Variants in GPC6 observed in about 807,000 individuals in gnomAD.
The protein encoded by GPC6 is glypican-6.
A neutral mutation model predicts 55.2 loss-of-function variants in GPC6; 14 were observed. The observed-to-expected ratio is 0.25, with a 90% confidence interval of 0.17 to 0.40. GPC6 has a LOEUF of 0.40. Among genes scored for constraint, GPC6 ranks in the 10% least tolerant of loss-of-function variants. GPC6 has a pLI of 1.00. For missense variants in GPC6, 641 were observed against 708.5 expected, an observed-to-expected ratio of 0.90 and a Z score of 1.08; for synonymous variants, 278 against 259.6, an observed-to-expected ratio of 1.07 and a Z score of -0.68.
At chr13:93,940,313 A>G (rs1354013359) in intron 3 of GPC6, among the ~76,000 whole-genome samples, 1 of 152,058 alleles carries the variant, frequency 6.6e-6, no homozygotes, top group Non-Finnish European at 1.5e-5. Context: ...TAAAGTTAGT[A>G]AAAGAGAAAA....
intron 1 of GPC6, among the ~76,000 whole-genome samples, chr13:93,354,240 C>T (rs866631245): frequency 2.0e-5 from 3 of 151,884 alleles, no homozygotes; most frequent in Non-Finnish European, 2.9e-5. Context: ...ATGTACTGAT[C>T]GGTGGCTGAG....
At chr13:93,351,171 A>G (rs1403844133) in intron 1 of GPC6, among the ~76,000 whole-genome samples, 1 of 152,220 alleles carries the variant, frequency 6.6e-6, no homozygotes, top group East Asian at 1.9e-4. Flanking sequence ...ATGTTAAATT[A>G]GTCTGATAAA....
At chr13:93,248,016 T>C (rs1876660905) in intron 1 of GPC6, among the ~76,000 whole-genome samples, 1 of 152,216 alleles carries the variant, frequency 6.6e-6, no homozygotes, top group African/African-American at 2.4e-5. Context: ...ACTGAATCAG[T>C]TACTCGGCCT....
intron 1 of GPC6, among the ~76,000 whole-genome samples, chr13:93,407,427 T>A (rs1000955633): frequency 1.6e-4 from 25 of 152,134 alleles, no homozygotes; most frequent in African/African-American, 4.8e-4. Flanking sequence ...ATTTTATGGC[T>A]GAGACCGTGC....
chr13:93,802,245 A>G (rs1886398442), intron 2 of GPC6, among the ~76,000 whole-genome samples: 1 of 151,762 alleles, frequency 6.6e-6, no homozygotes, highest in Non-Finnish European at 1.5e-5. Flanking sequence ...TTTTTCCTGT[A>G]TTCCCTTTCT....
Position 94,282,658 on chromosome 13 carries a change from A to G in GPC6, c.878-3691A>G, listed in dbSNP as rs183964547. On this transcript the variant is annotated intron_variant, in intron 4 of 8. Transcript: ENST00000377047. The stretch of plus-strand genomic sequence containing the variant: ...CAGATGGTCTGGTCTGGAAGGTTCA[A>G]GATGGCTTTGCTTATATGTCTGGCA... Among the ~76,000 whole-genome samples, 109 of 152,330 alleles carry G rather than the reference A, an allele frequency of 7.2e-4. 1 individual carries two copies. Among genetic ancestry groups the G allele is most frequent in the African/African-American group, 2.2e-3 (93 of 41,570 alleles).
At chr13:93,266,627 C>A (rs1051009901) in intron 1 of GPC6, among the ~76,000 whole-genome samples, 1 of 152,104 alleles carries the variant, frequency 6.6e-6, no homozygotes, top group Non-Finnish European at 1.5e-5. Flanking sequence ...TGAGGGCATT[C>A]GGGCATGAAT....
chr13:93,487,686 G>A (rs1192982474), intron 1 of GPC6, among the ~76,000 whole-genome samples: 1 of 152,120 alleles, frequency 6.6e-6, no homozygotes, highest in Non-Finnish European at 1.5e-5. Context: ...GTGCTGTTCA[G>A]GAAAGAAGTA....
Position 93,989,116 on chromosome 13 carries a change from T to A in GPC6, c.712-38613T>A, listed in dbSNP as rs1881172448. 2.6e-5 allele frequency among the ~76,000 whole-genome samples: 4 copies of A among 152,182 alleles called. No individual in the cohort carries two copies. The South Asian group carries it at 8.3e-4, about 32-fold the overall frequency. On this transcript the variant is annotated intron_variant, in intron 3 of 8. Coordinates refer to ENST00000377047, the MANE Select transcript of GPC6 (RefSeq NM_005708.5). ...TAATCCAATGCTGGATATTTGTAAT[T>A]CCTTAAATGTGGTAATGCCTTCTGT...
chr13:93,361,080 A>C (rs1445154040), intron 1 of GPC6, among the ~76,000 whole-genome samples: 1 of 152,004 alleles, frequency 6.6e-6, no homozygotes, highest in African/African-American at 2.4e-5. Flanking sequence ...ACCTCCTGAA[A>C]TCTGGCTGCT....
At chr13:93,559,221 G>A (rs1387129796) in intron 2 of GPC6, among the ~76,000 whole-genome samples, 1 of 152,162 alleles carries the variant, frequency 6.6e-6, no homozygotes, top group African/African-American at 2.4e-5. Flanking sequence ...ATCTCAGTAT[G>A]TGAAATCAGT....
intron 1 of GPC6, among the ~76,000 whole-genome samples, chr13:93,390,624 T>A (rs1875589132): frequency 1.3e-5 from 2 of 152,196 alleles, no homozygotes; most frequent in African/African-American, 2.4e-5. Context: ...CTGGGGTGTC[T>A]GCTAAGTTAC....
intron 1 of GPC6, among the ~76,000 whole-genome samples, chr13:93,492,458 C>T (rs1201923169): frequency 2.7e-5 from 4 of 150,720 alleles, no homozygotes; most frequent in African/African-American, 9.8e-5. Flanking sequence ...ACAATCATGT[C>T]GTCTGCAAAC....
chr13:93,603,279 T>C (rs1878101903), intron 2 of GPC6, among the ~76,000 whole-genome samples: 1 of 152,178 alleles, frequency 6.6e-6, no homozygotes, highest in South Asian at 2.1e-4. Context: ...AATACTGGGA[T>C]TGCAGGCATG....
At chr13:94,316,448 T>C (rs1421743295) in intron 6 of GPC6, among the ~76,000 whole-genome samples, 1 of 152,164 alleles carries the variant, frequency 6.6e-6, no homozygotes. Flanking sequence ...CCGGGCGCGG[T>C]GGCTCACGCC....
intron 3 of GPC6, among the ~76,000 whole-genome samples, chr13:93,952,853 C>T (rs575359526): frequency 2.6e-4 from 34 of 130,742 alleles, no homozygotes; most frequent in East Asian, 9.5e-4. Context: ...CATATATATA[C>T]GTATATATAT....
chr13:94,351,832 G>T, intron 6 of GPC6, among the ~76,000 whole-genome samples: 1 of 151,736 alleles, frequency 6.6e-6, no homozygotes, highest in Non-Finnish European at 1.5e-5. Flanking sequence ...ATGGGTTTGA[G>T]TCAGCAGTGA....
intron 1 of GPC6, among the ~76,000 whole-genome samples, chr13:93,531,160 A>C (rs1594240728): frequency 6.6e-6 from 1 of 152,064 alleles, no homozygotes; most frequent in African/African-American, 2.4e-5. Flanking sequence ...AGAGGTTCCC[A>C]AGTATTCTGT....
At chr13:94,098,536 G>A (rs1885744631) in intron 4 of GPC6, among the ~76,000 whole-genome samples, 1 of 152,124 alleles carries the variant, frequency 6.6e-6, no homozygotes, top group Admixed American at 6.5e-5. Flanking sequence ...GCATGCCAGG[G>A]ACCCAGCTTG....
Sources: allele counts gnomAD v4.1 joint callset (sites outside exome capture counted in the v4.1 genomes callset), GRCh38; gene constraint gnomAD v4.1.1; transcripts MANE v1.5; gene names NCBI Gene and HGNC (gene_info 2026-07-23, HGNC 2026-07-21).